The following OST4 variants were observed in gnomAD, a reference collection of about 807,000 sequenced individuals.
OST4 encodes the protein dolichyl-diphosphooligosaccharide--protein glycosyltransferase subunit 4.
In OST4, 3 loss-of-function variants were observed where a neutral mutation model predicts 2.1. That is an observed-to-expected ratio of 1.42 (90% CI 0.65 to 3.67). OST4 has a LOEUF of 3.67. Among genes scored for constraint, OST4 ranks in the 30% most tolerant of loss-of-function variants. OST4 has a pLI of 0.03. For missense variants in OST4, 52 were observed against 47.1 expected (o/e 1.10, Z -0.30); for synonymous variants, 23 against 21.6 (o/e 1.06, Z -0.18).
Position 27,071,447 on chromosome 2 carries a change from G to A in OST4, c.16C>T (p.Gln6Ter). 1.9e-6 allele frequency: 3 copies of A among 1,551,440 alleles called. No homozygotes were observed. The highest frequency in any genetic ancestry group is 2.6e-6 in the Non-Finnish European group (3 of 1,146,872). The change falls in exon 2 of 3, where the codon CAG becomes TAG. Residue 6 changes from glutamine to a stop codon, truncating the protein, a stop_gained. Coordinates refer to ENST00000456793, the MANE Select transcript of OST4 (RefSeq NM_001134693.2). LOFTEE classifies it high-confidence loss of function. The part of the protein sequence containing the change: MITDV[Q>*]LAIFANMLGV... ...AGCATGTTGGCGAAGATGGCGAGCT[G>A]CACGTCCGTGATCATCCTGCGGAGA...
chr2:27,071,114 G>A (rs12373799), intron 2 of OST4, among the ~76,000 whole-genome samples: 8,824 of 152,318 alleles, frequency 0.058, 383 homozygotes, highest in Non-Finnish European at 0.093. Flanking sequence ...GACTGTGAGG[G>A]TTAGGCAACC....
chr2:27,071,568 T>C, intron 1 of OST4, 33 bp downstream of exon 1: 6 of 713,054 alleles, frequency 8.4e-6, no homozygotes, highest in Admixed American at 3.2e-5. Flanking sequence ...ACGGCGGGGC[T>C]GGCCCGTGGG....
chr2:27,071,645 G>A lies in OST4; in HGVS notation c.-46C>T. On this transcript the variant is annotated 5_prime_UTR_variant, in exon 1 of 3. Transcript: ENST00000456793. The stretch of plus-strand genomic sequence containing the variant: ...TCCGACGCCACCAGCGAACAAGCCC[G>A]AAGTCAGAGACCTGGACCGGAACTT... 1 of 513,062 alleles carries A rather than the reference G, an allele frequency of 1.9e-6. No homozygotes were observed. Among genetic ancestry groups the A allele is most frequent in the Middle Eastern group, 5.3e-4 (1 of 1,880 alleles). 31.8% of individuals were successfully genotyped at this position (513,062 alleles called of 1,614,324 possible).
intron 1 of OST4, 33 bp downstream of exon 1, chr2:27,071,568 T>G (rs1669273796): frequency 7.9e-5 from 56 of 712,908 alleles, no homozygotes; most frequent in East Asian, 2.0e-4. Flanking sequence ...ACGGCGGGGC[T>G]GGCCCGTGGG....
intron 1 of OST4, 43 bp from the exon 2 acceptor site, chr2:27,071,506 T>C (rs1367596243): frequency 2.0e-6 from 3 of 1,479,472 alleles, no homozygotes; most frequent in Non-Finnish European, 1.8e-6. Context: ...GGCGCACTCC[T>C]CGCCCTCGCA....
At chr2:27,071,172 T>A (rs1669260980) in intron 2 of OST4, among the ~76,000 whole-genome samples, 154 bp downstream of exon 2, 1 of 152,130 alleles carries the variant, frequency 6.6e-6, no homozygotes, top group Non-Finnish European at 1.5e-5. Context: ...GACAGCGCGC[T>A]CTCTCTCTAC....
chr2:27,070,624 G>A lies in OST4; in HGVS notation c.*121C>T, dbSNP rs902034045. 17 of 199,548 alleles carry A rather than the reference G, an allele frequency of 8.5e-5. No individual in the cohort carries two copies. The highest frequency in any genetic ancestry group is 1.8e-4 in the Non-Finnish European group (17 of 96,904). 12.4% of individuals were successfully genotyped at this position (199,548 alleles called of 1,614,324 possible). A position where few individuals can be genotyped will look rare whatever the true frequency, so the allele number is the denominator to read the frequency against. Reference sequence around the variant, plus strand: ...ATAAAAGTTGTTTGGAAAAATCCAGGTGTAGTTGCTTTGTATGTTGTGATG... The same window carrying A: ...ATAAAAGTTGTTTGGAAAAATCCAGATGTAGTTGCTTTGTATGTTGTGATG... On this transcript the variant is annotated 3_prime_UTR_variant, in exon 3 of 3. Transcript: ENST00000456793.
chr2:27,071,548 G>A (rs573791720), intron 1 of OST4, 53 bp downstream of exon 1: 1 of 1,054,530 alleles, frequency 9.5e-7, no homozygotes, highest in Non-Finnish European at 1.4e-6. Flanking sequence ...GGCCAGCCAC[G>A]GCCACGGCCA....
In OST4 at chr2:27,070,512, G is replaced by A; in HGVS notation, c.*233C>T. 1 of 481,016 alleles carries A rather than the reference G, an allele frequency of 2.1e-6. No individual in the cohort carries two copies. Among genetic ancestry groups the A allele is most frequent in the Non-Finnish European group, 3.7e-6 (1 of 267,924 alleles). The allele number at this position is 481,016 out of a possible 1,614,324, so 29.8% of individuals were successfully genotyped here. A position where few individuals can be genotyped will look rare whatever the true frequency, so the allele number is the denominator to read the frequency against. ...AAAAAGTCTATATTTTTATATTGGG[G>A]GGAGGGAGTAGAAAAGCAAGCCCCT... On this transcript the variant is annotated 3_prime_UTR_variant, in exon 3 of 3. Coordinates refer to ENST00000456793, the MANE Select transcript of OST4 (RefSeq NM_001134693.2).
rs765998001 is a variant in OST4, at chr2:27,071,389, T to C, written c.74A>G (p.Tyr25Cys). 9.7e-6 allele frequency: 15 copies of C among 1,551,434 alleles called. No homozygotes were observed. The highest frequency in any genetic ancestry group is 1.4e-5 in the African/African-American group (1 of 73,014). Residue 25 changes from tyrosine to cysteine, a missense_variant, in exon 2 of 3, where the codon TAT (tyrosine) becomes TGT (cysteine). Tyr to Cys is a radical substitution (Grantham distance 194). Transcript: ENST00000456793. ...GGGATTGTTGACGGCCACGTAGTGA[T>C]AGAGAACGACAAGCAAGAAGAGCGA... is the stretch of plus-strand genomic sequence containing the variant. ...GVSLFLLVVL[Y>C]HYVAVNNPKK...
chr2:27,071,309 C>A lies in OST4; in HGVS notation c.*23+17G>T, dbSNP rs1669265107. 6 of 1,504,684 alleles carry A rather than the reference C, an allele frequency of 4.0e-6. No homozygotes were observed. Among genetic ancestry groups the A allele is most frequent in the Non-Finnish European group, 5.4e-6 (6 of 1,104,954 alleles). The allele number at this position is 1,504,684 out of a possible 1,614,324, so 93.2% of individuals were successfully genotyped here. A position where few individuals can be genotyped will look rare whatever the true frequency, so the allele number is the denominator to read the frequency against. ...ACTCAGCTCTGGGGACTGGGCGCTACAGCCCCGGGCCGTTACCTGGGGCGG... is the reference window on the plus strand; with the variant it reads ...ACTCAGCTCTGGGGACTGGGCGCTAAAGCCCCGGGCCGTTACCTGGGGCGG... On this transcript the variant is annotated intron_variant, in intron 2 of 2. Transcript: ENST00000456793.
rs1189148083 is a variant in OST4 at position 27,071,589 on chromosome 2, C to G, written c.-2+12G>C. ...GGGCTGGCCCGTGGGACGGCCCCTGCGTGCCTCTGACCTGACCAGTCCGGC... is the reference window on the plus strand; with the variant it reads ...GGGCTGGCCCGTGGGACGGCCCCTGGGTGCCTCTGACCTGACCAGTCCGGC... On this transcript the variant is annotated intron_variant, in intron 1 of 2. Coordinates refer to ENST00000456793, the MANE Select transcript of OST4 (RefSeq NM_001134693.2). 8 of 660,324 alleles carry G rather than the reference C, an allele frequency of 1.2e-5. No homozygotes were observed. In the East Asian group the frequency reaches 2.2e-4, roughly 18 times the overall value. The allele number at this position is 660,324 out of a possible 1,614,324, so 40.9% of individuals were successfully genotyped here.
rs1267898876 is a variant in OST4 at position 27,071,492 on chromosome 2, G to C, written c.-1-29C>G. ...CGGAGAAGAGAGGGGCTGAGCTGCG[G>C]GCTGGCGCACTCCTCGCCCTCGCAA... On this transcript the variant is annotated intron_variant, in intron 1 of 2. Transcript: ENST00000456793. 6 of 1,527,902 alleles carry C rather than the reference G, an allele frequency of 3.9e-6. No individual in the cohort carries two copies. In the East Asian group the frequency reaches 1.5e-4, roughly 37 times the overall value. 94.6% of individuals were successfully genotyped at this position (1,527,902 alleles called of 1,614,324 possible).
Position 27,070,506 on chromosome 2 carries a change from A to AT in OST4, c.*238dup. 4 of 488,376 alleles carry AT rather than the reference A, an allele frequency of 8.2e-6. No homozygotes were observed. In the South Asian group the frequency reaches 1.3e-4, roughly 16 times the overall value. 30.3% of individuals were successfully genotyped at this position (488,376 alleles called of 1,614,324 possible). A position where few individuals can be genotyped will look rare whatever the true frequency, so the allele number is the denominator to read the frequency against. ...CACAAAAAAAAGTCTATATTTTTAT[A>AT]TTGGGGGGAGGGAGTAGAAAAGCAA... On this transcript the variant is annotated 3_prime_UTR_variant, in exon 3 of 3. Coordinates refer to ENST00000456793, the MANE Select transcript of OST4 (RefSeq NM_001134693.2).
rs1572840450 is a variant in OST4 at position 27,070,485 on chromosome 2, A to T, written c.*260T>A. On this transcript the variant is annotated 3_prime_UTR_variant, in exon 3 of 3. Transcript: ENST00000456793. ...CGCAGCACAAGATTTTGGGACCACA[A>T]AAAAAAGTCTATATTTTTATATTGG... 1 of 523,500 alleles carries T rather than the reference A, an allele frequency of 1.9e-6. No homozygotes were observed. The highest frequency in any genetic ancestry group is 3.0e-5 in the East Asian group (1 of 33,740). 32.4% of individuals were successfully genotyped at this position (523,500 alleles called of 1,614,324 possible).
intron 2 of OST4, among the ~76,000 whole-genome samples, chr2:27,071,032 G>C (rs1267711388): frequency 6.6e-6 from 1 of 152,154 alleles, no homozygotes; most frequent in African/African-American, 2.4e-5. Flanking sequence ...TGGTTCCCTC[G>C]GTACCTTCGT....
At chr2:27,071,248 A>G in intron 2 of OST4, 78 bp downstream of exon 2, 1 of 867,452 alleles carries the variant, frequency 1.2e-6, no homozygotes, top group African/African-American at 1.7e-5. Context: ...TCTGATTGTA[A>G]GTTTCGAACC....
rs1409992710 is a variant in OST4 at position 27,071,456 on chromosome 2, T to C, written c.7A>G (p.Thr3Ala). The change falls in exon 2 of 3, where the codon ACG becomes GCG. Residue 3 changes from threonine (T) to alanine (A), a missense_variant. Transcript: ENST00000456793. ...GCGAAGATGGCGAGCTGCACGTCCG[T>C]GATCATCCTGCGGAGAAGAGAGGGG... MI[T>A]DVQLAIFANM... 6.4e-7 allele frequency: 1 copy of C among 1,551,092 alleles called. No individual in the cohort carries two copies. Among genetic ancestry groups the C allele is most frequent in the South Asian group, 1.2e-5 (1 of 84,060 alleles).
intron 1 of OST4, 33 bp from the exon 2 acceptor site, chr2:27,071,496 G>A: frequency 3.3e-6 from 5 of 1,516,106 alleles, no homozygotes; most frequent in Non-Finnish European, 4.5e-6. Context: ...GCTGCGGGCT[G>A]GCGCACTCCT....
Sources: allele counts gnomAD v4.1 joint callset (sites outside exome capture counted in the v4.1 genomes callset), GRCh38; gene constraint gnomAD v4.1.1; transcripts MANE v1.5; gene names NCBI Gene and HGNC (gene_info 2026-07-23, HGNC 2026-07-21).